CDC34: variants seen among roughly 807,000 people sequenced by gnomAD.
CDC34 encodes the protein ubiquitin-conjugating enzyme E2 R1.
A neutral mutation model predicts 26.8 loss-of-function variants in CDC34; 18 were observed. The observed-to-expected ratio is 0.67, with a 90% CI of 0.47 to 1.00. The LOEUF (loss-of-function observed/expected upper bound fraction) is 1.00. Among genes scored for constraint, CDC34 ranks in the 50% least tolerant of loss-of-function variants. The probability of loss-of-function intolerance (pLI) is 0.00; values close to 1 mark genes in which losing one functional copy is unlikely to be tolerated. For missense variants in CDC34, 280 were observed against 334.5 expected (o/e 0.84, Z 1.27); for synonymous variants, 178 against 147.5 (o/e 1.21, Z -1.50).
In CDC34 at chr19:538,982, C is replaced by T. The variant is rs16989793; in HGVS notation, c.497+1835C>T. 4.9e-4 allele frequency: 486 copies of T among 985,364 alleles called. 3 individuals carry two copies. In the East Asian group the frequency reaches 0.03, roughly 61 times the overall value. 61.0% of individuals were successfully genotyped at this position (985,364 alleles called of 1,614,324 possible). On this transcript the variant is annotated intron_variant, in intron 4 of 4. Transcript: ENST00000215574. ...TCCCGGCCACCTCCCTGAGGCACCACCTCCTTGAGATCCCAGCACAGAAAT... is the reference window on the plus strand; with the variant it reads ...TCCCGGCCACCTCCCTGAGGCACCATCTCCTTGAGATCCCAGCACAGAAAT...
At chr19:538,912 G>A (rs1360971754) in intron 4 of CDC34, 22 of 985,118 alleles carry the variant, frequency 2.2e-5, no homozygotes, top group Admixed American at 1.8e-4. Context: ...GCCCCGGTCC[G>A]GTCGTGTCAC....
chr19:535,059 G>A (rs1033290545), intron 1 of CDC34, among the ~76,000 whole-genome samples: 1 of 152,218 alleles, frequency 6.6e-6, no homozygotes, highest in African/African-American at 2.4e-5. Flanking sequence ...TTGTTTACCT[G>A]CTGTGGCCCA....
At chr19:536,735 T>G in intron 3 of CDC34, 1 of 551,982 alleles carries the variant, frequency 1.8e-6, no homozygotes, top group Non-Finnish European at 3.3e-6. Flanking sequence ...TGTCCTGGAG[T>G]GTAGTCTAGG....
intron 1 of CDC34, among the ~76,000 whole-genome samples, chr19:533,301 C>T (rs1320414420): frequency 1.3e-5 from 2 of 152,192 alleles, no homozygotes; most frequent in Non-Finnish European, 2.9e-5. Context: ...CCGCTCTGCC[C>T]CGGCCAGCTG....
intron 4 of CDC34, 62 bp from the exon 5 acceptor site, chr19:541,277 G>C: frequency 1.4e-6 from 2 of 1,464,106 alleles, no homozygotes; most frequent in Non-Finnish European, 1.8e-6. Flanking sequence ...TGGGGGAGGG[G>C]GGCCGGGCAG....
At chr19:533,714 C>T (rs1322223025) in intron 1 of CDC34, among the ~76,000 whole-genome samples, 1 of 152,212 alleles carries the variant, frequency 6.6e-6, no homozygotes, top group Non-Finnish European at 1.5e-5. Flanking sequence ...CTTCCTGGGC[C>T]AGCATTAGGG....
intron 1 of CDC34, among the ~76,000 whole-genome samples, chr19:532,549 C>T (rs766086362): frequency 6.6e-6 from 1 of 152,204 alleles, no homozygotes; most frequent in East Asian, 1.9e-4. Flanking sequence ...CCCCGCCCTC[C>T]CCGGAGGAGA....
At chr19:541,261 C>T (rs941113253) in intron 4 of CDC34, 78 bp from the exon 5 acceptor site, 11 of 1,450,934 alleles carry the variant, frequency 7.6e-6, no homozygotes, top group East Asian at 7.5e-5. Context: ...GGGTGAGCGT[C>T]GGACCTGGGG....
chr19:541,281 C>T lies in CDC34; in HGVS notation c.498-58C>T, dbSNP rs553933865. 62 of 1,466,176 alleles carry T rather than the reference C, an allele frequency of 4.2e-5. No individual in the cohort carries two copies. In the East Asian group the frequency reaches 5.5e-4, roughly 13 times the overall value. The allele number at this position is 1,466,176 out of a possible 1,614,324, so 90.8% of individuals were successfully genotyped here. ...AGCGTCGGACCTGGGGGAGGGGGGC[C>T]GGGCAGGGGCCGAGTCCAGGCACGT... is the stretch of plus-strand genomic sequence containing the variant. On this transcript the variant is annotated intron_variant, in intron 4 of 4. Coordinates refer to ENST00000215574, the MANE Select transcript of CDC34 (RefSeq NM_004359.2).
At chr19:541,007 G>A (rs1167566586) in intron 4 of CDC34, among the ~76,000 whole-genome samples, 1 of 152,206 alleles carries the variant, frequency 6.6e-6, no homozygotes, top group African/African-American at 2.4e-5. Flanking sequence ...CCCCCAGTGG[G>A]GCAGCATGGG....
chr19:538,964 C>G (rs1979889346), intron 4 of CDC34: 1 of 985,240 alleles, frequency 1.0e-6, no homozygotes. Flanking sequence ...TCTTCCCGGC[C>G]ACCTCCCTGA....
chr19:536,641 G>C, intron 3 of CDC34: 1 of 540,528 alleles, frequency 1.9e-6, no homozygotes. Flanking sequence ...TCCTTACCCA[G>C]CCGTCTCTGG....
In CDC34 at chr19:537,052, C is replaced by T. The variant is rs368438131; in HGVS notation, c.402C>T (p.Pro134=). The T allele has an allele frequency of 3.1e-6, 5 of 1,613,814 alleles. No homozygotes were observed. Among genetic ancestry groups the T allele is most frequent in the Admixed American group, 1.7e-5 (1 of 60,014 alleles). ...LLSVISLLNE[P]NTFSPANVDA... The stretch of plus-strand genomic sequence containing the variant: ...GTGTGATCTCCCTCCTGAACGAGCC[C>T]AACACCTTCTCGCCCGCAAACGTGG... Residue 134 remains proline (P), a synonymous_variant, in exon 4 of 5, where the codon CCC becomes CCT. Transcript: ENST00000215574.
chr19:536,782 CGGA>C, intron 3 of CDC34: 3 of 581,576 alleles, frequency 5.2e-6, no homozygotes, highest in Admixed American at 6.0e-5. Context: ...CCGGGTCTGA[CGGA>C]GGGGTCTGCA....
At chr19:536,414 C>A in intron 3 of CDC34, 74 bp downstream of exon 3, 1 of 1,185,566 alleles carries the variant, frequency 8.4e-7, no homozygotes, top group Non-Finnish European at 1.2e-6. Context: ...CCACCCAGAC[C>A]ATCAGGTAGG....
chr19:534,572 C>T (rs558916156), intron 1 of CDC34, among the ~76,000 whole-genome samples: 2 of 130,474 alleles, frequency 1.5e-5, no homozygotes, highest in Non-Finnish European at 3.3e-5. Flanking sequence ...GTCAAGGCCT[C>T]GCCCACGATC....
At chr19:539,854 G>T (rs184453203) in intron 4 of CDC34, among the ~76,000 whole-genome samples, 2 of 152,194 alleles carry the variant, frequency 1.3e-5, no homozygotes, top group African/African-American at 4.8e-5. Flanking sequence ...CAGGTTCCTC[G>T]TAGGTCCTGG....
chr19:541,437 C>A lies in CDC34; in HGVS notation c.596C>A (p.Pro199His). The change falls in exon 5 of 5, where the codon CCC (proline) becomes CAC (histidine). Residue 199 changes from proline (P) to histidine (H), a missense_variant. Physicochemically the swap from Pro to His is moderately conservative, Grantham distance 77. Transcript: ENST00000215574. The stretch of plus-strand genomic sequence containing the variant: ...TGCGTGAAGACCAAGGCGCCGGCGC[C>A]CGACGAGGGCTCAGACCTCTTCTAC... The part of the protein sequence containing the change: ...EYCVKTKAPA[P>H]DEGSDLFYDD... 6.2e-7 allele frequency: 1 copy of A among 1,612,848 alleles called. No individual in the cohort carries two copies. The highest frequency in any genetic ancestry group is 8.5e-7 in the Non-Finnish European group (1 of 1,179,962).
At chr19:532,504 C>T (rs1390883449) in intron 1 of CDC34, among the ~76,000 whole-genome samples, 1 of 152,196 alleles carries the variant, frequency 6.6e-6, no homozygotes, top group Non-Finnish European at 1.5e-5. Flanking sequence ...AAAGAGGGAG[C>T]GGAGCCCAGG....
Sources: gnomAD v4.1 joint callset for allele counts (sites outside exome capture counted in the v4.1 genomes callset) on GRCh38, gnomAD v4.1.1 for gene constraint, MANE v1.5 for transcripts, NCBI Gene and HGNC (gene_info 2026-07-23, HGNC 2026-07-21) for gene names.